Variants in PCDHGC5 observed in about 807,000 individuals in gnomAD.
The protein encoded by PCDHGC5 is protocadherin gamma subfamily C, 5, also known as protocadherin gamma-C5.
Under a neutral mutation model 59.0 loss-of-function variants are expected in PCDHGC5, and 25 were observed. That is an observed-to-expected ratio of 0.42 (90% confidence interval 0.31 to 0.59). The LOEUF is 0.59. PCDHGC5 is among the 20% of genes least tolerant of loss of function. The pLI, the probability that PCDHGC5 is intolerant of heterozygous loss-of-function variation, is 0.13. For missense variants in PCDHGC5, 1,067 were observed against 1,206.4 expected (o/e 0.88, Z 1.71); for synonymous variants, 434 against 505.5 (o/e 0.86, Z 1.90).
rs1363891858 is a variant in PCDHGC5, at chr5:141,491,369, C to T, written c.2129C>T (p.Thr710Ile). 8.7e-6 allele frequency: 14 copies of T among 1,614,110 alleles called. No homozygotes were observed. Among genetic ancestry groups the T allele is most frequent in the East Asian group, 2.2e-5 (1 of 44,866 alleles). Residue 710 changes from threonine to isoleucine, a missense_variant, in exon 1 of 4, where the codon ACC (threonine) becomes ATC (isoleucine). Coordinates refer to ENST00000252087, the MANE Select transcript of PCDHGC5 (RefSeq NM_018929.3). The surrounding 1 kb of genome is among the most constrained non-coding windows in gnomAD (Gnocchi z 6.9). ...AGTCTCTTATCCCTAGTCACCTTCACCTTTCTGTCAGCGAAGTGCCTTCAG... is the reference window on the plus strand; with the variant it reads ...AGTCTCTTATCCCTAGTCACCTTCATCTTTCTGTCAGCGAAGTGCCTTCAG... ...TVSLLSLVTF[T>I]FLSAKCLQGN...
Position 141,491,383 on chromosome 5 carries a change from A to C in PCDHGC5, c.2143A>C (p.Lys715Gln). The C allele has an allele frequency of 6.2e-7, 1 of 1,614,036 alleles. No individual in the cohort carries two copies. The highest frequency in any genetic ancestry group is 8.5e-7 in the Non-Finnish European group (1 of 1,179,962). ...AGTCACCTTCACCTTTCTGTCAGCG[A>C]AGTGCCTTCAGGGAAACGCAGACGG... ...SLVTFTFLSA[K>Q]CLQGNADGDG... Residue 715 changes from lysine to glutamine, a missense_variant, in exon 1 of 4, where the codon AAG becomes CAG. By Grantham distance (53) the Lys-to-Gln change is moderately conservative. Transcript: ENST00000252087. This position sits in a 1 kb window ranked among gnomAD's most constrained non-coding sequence, Gnocchi z 6.9.
Position 141,490,909 on chromosome 5 carries a change from G to T in PCDHGC5, c.1669G>T (p.Glu557Ter). 4 of 1,613,744 alleles carry T rather than the reference G, an allele frequency of 2.5e-6. No individual in the cohort carries two copies. Among genetic ancestry groups the T allele is most frequent in the Non-Finnish European group, 3.4e-6 (4 of 1,179,762 alleles). ...ATCTCTGCATGTGTTTGTCCTAGAC[G>T]AGAATGATAATGCCCCAGCTGTGCT... Reference protein sequence around the residue: ...NTSLHVFVLDENDNAPAVLHP... With the variant: ...NTSLHVFVLD Residue 557 changes from glutamate to a stop codon, truncating the protein, a stop_gained, in exon 1 of 4, where the codon GAG (glutamate) becomes TAG (stop). Transcript: ENST00000252087. LOFTEE classifies it high-confidence loss of function. The surrounding 1 kb of genome is among the most constrained non-coding windows in gnomAD (Gnocchi z 5.4).
Position 141,489,802 on chromosome 5 carries a change from G to A in PCDHGC5, c.562G>A (p.Gly188Arg), listed in dbSNP as rs2099692541. Residue 188 changes from glycine (G) to arginine (R), a missense_variant, in exon 1 of 4, where the codon GGG (glycine) becomes AGG (arginine). Gly to Arg is a moderately radical substitution (Grantham distance 125). Transcript: ENST00000252087. The surrounding 1 kb of genome is among the most constrained non-coding windows in gnomAD (Gnocchi z 4.5). ...FSLNVKTLKD[G>R]KPFPELVLEQ... ...TCTGAATGTGAAGACCCTAAAAGAT[G>A]GGAAGCCATTCCCAGAGCTGGTGCT... is the stretch of plus-strand genomic sequence containing the variant. 6.2e-7 allele frequency: 1 copy of A among 1,614,042 alleles called. No homozygotes were observed. The highest frequency in any genetic ancestry group is 1.1e-5 in the South Asian group (1 of 91,088).
chr5:141,499,261 GT>G (rs2099790689), intron 2 of PCDHGC5, among the ~76,000 whole-genome samples: 1 of 152,022 alleles, frequency 6.6e-6, no homozygotes, highest in South Asian at 2.1e-4. Context: ...TCTCCATTTG[GT>G]CCCTAGACTG....
At chr5:141,505,302 G>A (rs1733345360) in intron 2 of PCDHGC5, 91 bp from the exon 3 acceptor site, 1 of 1,592,596 alleles carries the variant, frequency 6.3e-7, no homozygotes, top group Admixed American at 1.7e-5. Flanking sequence ...TAGGGTTAGG[G>A]TACTAGGTTT....
chr5:141,490,120 G>A lies in PCDHGC5; in HGVS notation c.880G>A (p.Gly294Ser). Residue 294 changes from glycine to serine, a missense_variant, in exon 1 of 4, where the codon GGC becomes AGC. Coordinates refer to ENST00000252087, the MANE Select transcript of PCDHGC5 (RefSeq NM_018929.3). This position sits in a 1 kb window ranked among gnomAD's most constrained non-coding sequence, Gnocchi z 5.4. ...ATCTGAGGCAGTGCGGAACCTCTTT[G>A]GCCTAGACCCTAGCAGTGGGGCAAT... ...HTSEAVRNLFGLDPSSGAIHV... is the reference protein window; with the variant it reads ...HTSEAVRNLFSLDPSSGAIHV... 6.2e-7 allele frequency: 1 copy of A among 1,614,224 alleles called. No homozygotes were observed. Among genetic ancestry groups the A allele is most frequent in the East Asian group, 2.2e-5 (1 of 44,888 alleles).
rs117345436 is a variant in PCDHGC5 at position 141,492,015 on chromosome 5, G to T, written c.2460+315G>T. 1,356 of 600,608 alleles carry T rather than the reference G, an allele frequency of 2.3e-3. 40 individuals carry two copies. The East Asian group carries it at 0.038, about 17-fold the overall frequency. The allele number at this position is 600,608 out of a possible 1,614,324, so 37.2% of individuals were successfully genotyped here. A position where few individuals can be genotyped will look rare whatever the true frequency, so the allele number is the denominator to read the frequency against. ...ATTTCGGGCGATTTCCGCGGGTGTC[G>T]GGGGTCCCGGGAGGAGGCAGTCACA... On this transcript the variant is annotated intron_variant, in intron 1 of 3. Transcript: ENST00000252087.
Position 141,491,034 on chromosome 5 carries a change from T to C in PCDHGC5, c.1794T>C (p.Asp598=), listed in dbSNP as rs375902824. Residue 598 remains aspartate (D), a synonymous_variant, in exon 1 of 4, where the codon GAT becomes GAC. Coordinates refer to ENST00000252087, the MANE Select transcript of PCDHGC5 (RefSeq NM_018929.3). The surrounding 1 kb of genome is among the most constrained non-coding windows in gnomAD (Gnocchi z 6.9). The stretch of plus-strand genomic sequence containing the variant: ...CCAAGGTGACAGCCGTGGATGCTGA[T>C]GCAGGCCACAATGCGTGGCTCTCCT... The part of the protein sequence containing the change: ...LVTKVTAVDA[D]AGHNAWLSYS... 19 of 1,614,170 alleles carry C rather than the reference T, an allele frequency of 1.2e-5. No homozygotes were observed. Among genetic ancestry groups the C allele is most frequent in the East Asian group, 4.5e-5 (2 of 44,894 alleles).
chr5:141,493,937 A>G lies in PCDHGC5; in HGVS notation c.2461-870A>G, dbSNP rs931274307. Among the ~76,000 whole-genome samples the G allele has an allele frequency of 6.6e-6, 1 of 152,212 alleles. No individual in the cohort carries two copies. The highest frequency in any genetic ancestry group is 1.5e-5 in the Non-Finnish European group (1 of 68,022). ...GGATAACACACCCCCTGGAAAGACCAGAAGGGACTCAGGAATGAAGTGGCT... is the reference window on the plus strand; with the variant it reads ...GGATAACACACCCCCTGGAAAGACCGGAAGGGACTCAGGAATGAAGTGGCT... On this transcript the variant is annotated intron_variant, in intron 1 of 3. Coordinates refer to ENST00000252087, the MANE Select transcript of PCDHGC5 (RefSeq NM_018929.3). This position sits in a 1 kb window ranked among gnomAD's most constrained non-coding sequence, Gnocchi z 4.3.
At chr5:141,495,277 G>A (rs2099760037) in intron 2 of PCDHGC5, among the ~76,000 whole-genome samples, 1 of 152,168 alleles carries the variant, frequency 6.6e-6, no homozygotes, top group African/African-American at 2.4e-5. Context: ...ACCGGAGGAG[G>A]CGGTCCGCAC....
chr5:141,504,242 GTTC>G (rs903218038), intron 2 of PCDHGC5, among the ~76,000 whole-genome samples: 25 of 152,170 alleles, frequency 1.6e-4, no homozygotes, highest in African/African-American at 5.1e-4. Context: ...GAAGCAGAGA[GTTC>G]TTCTTATGGT....
chr5:141,491,131 G>A lies in PCDHGC5; in HGVS notation c.1891G>A (p.Ala631Thr). 1 of 1,614,182 alleles carries A rather than the reference G, an allele frequency of 6.2e-7. No individual in the cohort carries two copies. Among genetic ancestry groups the A allele is most frequent in the Non-Finnish European group, 8.5e-7 (1 of 1,180,008 alleles). ...TACACACACTGGTGAGGTGCGCACA[G>A]CCCGGGCCTTACTGGAGGATGACTC... ...VSTHTGEVRTARALLEDDSDT... is the reference protein window; with the variant it reads ...VSTHTGEVRTTRALLEDDSDT... Residue 631 changes from alanine (A) to threonine (T), a missense_variant, in exon 1 of 4, where the codon GCC (alanine) becomes ACC (threonine). Physicochemically the swap from Ala to Thr is moderately conservative, Grantham distance 58. Coordinates refer to ENST00000252087, the MANE Select transcript of PCDHGC5 (RefSeq NM_018929.3). This position sits in a 1 kb window ranked among gnomAD's most constrained non-coding sequence, Gnocchi z 6.9.
At chr5:141,492,312 C>T (rs1470136040) in intron 1 of PCDHGC5, among the ~76,000 whole-genome samples, 2 of 152,348 alleles carry the variant, frequency 1.3e-5, no homozygotes, top group African/African-American at 4.8e-5. Flanking sequence ...CGCACGCACT[C>T]CTCGCACGTG....
chr5:141,506,415 C>T lies in PCDHGC5; in HGVS notation c.2608+934C>T, dbSNP rs2099853185. 2.0e-5 allele frequency among the ~76,000 whole-genome samples: 3 copies of T among 148,290 alleles called. No homozygotes were observed. The South Asian group carries it at 6.4e-4, about 32-fold the overall frequency. On this transcript the variant is annotated intron_variant, in intron 3 of 3. Coordinates refer to ENST00000252087, the MANE Select transcript of PCDHGC5 (RefSeq NM_018929.3). ...GAGCAGAAAATCGCACCACTGCACT[C>T]CAGCCTGGGCAACAGTCTCGCTCTG...
chr5:141,500,184 T>TTTTATTTATTTATTTATTTA (rs58019021), intron 2 of PCDHGC5, among the ~76,000 whole-genome samples: 1 of 135,886 alleles, frequency 7.4e-6, no homozygotes, highest in African/African-American at 2.7e-5. Flanking sequence ...TCATTTTTAT[T>TTTTATTTATTTATTTATTTA]TTTATTTATT....
rs2099699514 is a variant in PCDHGC5 at position 141,490,385 on chromosome 5, A to G, written c.1145A>G (p.Asn382Ser). 1 of 1,614,190 alleles carries G rather than the reference A, an allele frequency of 6.2e-7. No individual in the cohort carries two copies. Among genetic ancestry groups the G allele is most frequent in the African/African-American group, 1.3e-5 (1 of 75,032 alleles). ...GTGCGAGACCGGGACTCAGGTAGAA[A>G]TGGTGAAGTGAGCCTTGATATCTCT... ...FNVRDRDSGR[N>S]GEVSLDISPD... Residue 382 changes from asparagine to serine, a missense_variant, in exon 1 of 4, where the codon AAT becomes AGT. Asn to Ser is a conservative substitution (Grantham distance 46). Coordinates refer to ENST00000252087, the MANE Select transcript of PCDHGC5 (RefSeq NM_018929.3). This position sits in a 1 kb window ranked among gnomAD's most constrained non-coding sequence, Gnocchi z 5.4.
intron 2 of PCDHGC5, among the ~76,000 whole-genome samples, chr5:141,499,301 TC>T (rs771049830): frequency 6.6e-6 from 1 of 152,166 alleles, no homozygotes; most frequent in Non-Finnish European, 1.5e-5. Context: ...CTACCATCCC[TC>T]CTCTGAGAGA....
In PCDHGC5 at chr5:141,490,413, G is replaced by C. The variant is rs2233606; in HGVS notation, c.1173G>C (p.Pro391=). 6 of 1,614,128 alleles carry C rather than the reference G, an allele frequency of 3.7e-6. No individual in the cohort carries two copies. In the South Asian group the frequency reaches 4.4e-5, roughly 12 times the overall value. Residue 391 remains proline (P), a synonymous_variant, in exon 1 of 4, where the codon CCG becomes CCC. Transcript: ENST00000252087. The surrounding 1 kb of genome is among the most constrained non-coding windows in gnomAD (Gnocchi z 5.4). The part of the protein sequence containing the change: ...RNGEVSLDIS[P]DLPFQIKPSE... ...GTGAAGTGAGCCTTGATATCTCTCCGGACCTGCCATTTCAGATTAAGCCTT... is the reference window on the plus strand; with the variant it reads ...GTGAAGTGAGCCTTGATATCTCTCCCGACCTGCCATTTCAGATTAAGCCTT...
At chr5:141,507,815 C>G (rs936926937) in intron 3 of PCDHGC5, among the ~76,000 whole-genome samples, 2 of 152,204 alleles carry the variant, frequency 1.3e-5, no homozygotes, top group African/African-American at 4.8e-5. Context: ...GGAACGGACC[C>G]TGGGGGTGGA....
Sources: gnomAD v4.1 joint callset for allele counts (sites outside exome capture counted in the v4.1 genomes callset) on GRCh38, gnomAD v4.1.1 for gene constraint, Gnocchi (gnomAD v3.1) non-coding constraint, MANE v1.5 for transcripts, NCBI Gene and HGNC (gene_info 2026-07-23, HGNC 2026-07-21) for gene names.